Variants in SLC8A3 observed in about 807,000 individuals in gnomAD.
The protein encoded by SLC8A3 is sodium/calcium exchanger 3.
In SLC8A3, 37 loss-of-function variants were observed where a neutral mutation model predicts 65.4. The ratio of observed to expected loss-of-function variants is 0.57; its 90% CI spans 0.44 to 0.74. SLC8A3 has a LOEUF of 0.74. SLC8A3 is among the 30% of genes least tolerant of loss of function. The probability of loss-of-function intolerance (pLI) is 0.00; values close to 1 mark genes in which losing one functional copy is unlikely to be tolerated. For synonymous variants in SLC8A3, 461 were observed against 444.5 expected (o/e 1.04, Z -0.47); for missense variants, 1,112 against 1,172.1 (o/e 0.95, Z 0.75).
chr14:70,129,673 A>C (rs539903836), intron 2 of SLC8A3, among the ~76,000 whole-genome samples: 1 of 152,322 alleles, frequency 6.6e-6, no homozygotes, highest in East Asian at 1.9e-4. Context: ...AGATAGTTGT[A>C]TATTCAAGTA....
chr14:70,083,267 T>A (rs1376876480), intron 2 of SLC8A3, among the ~76,000 whole-genome samples: 1 of 152,160 alleles, frequency 6.6e-6, no homozygotes, highest in African/African-American at 2.4e-5. Flanking sequence ...CTCTTTACAG[T>A]GGACAAAATG....
chr14:70,133,391 C>A (rs1422759265), intron 2 of SLC8A3, among the ~76,000 whole-genome samples: 1 of 152,200 alleles, frequency 6.6e-6, no homozygotes, highest in Non-Finnish European at 1.5e-5. Context: ...GCCACCTCCT[C>A]CTTCACTGTC....
chr14:70,062,676 T>C (rs368457553), intron 2 of SLC8A3, among the ~76,000 whole-genome samples: 2 of 152,346 alleles, frequency 1.3e-5, no homozygotes, highest in Middle Eastern at 6.8e-3. Context: ...ACTGTACATT[T>C]TTATTACCTT....
intron 2 of SLC8A3, among the ~76,000 whole-genome samples, chr14:70,151,253 CA>C (rs1566813917): frequency 1.1e-5 from 1 of 94,644 alleles, no homozygotes; most frequent in Non-Finnish European, 2.0e-5. Flanking sequence ...GACTCCGCCT[CA>C]AAAAAAGAAA....
chr14:70,105,197 C>T (rs1454128238), intron 2 of SLC8A3, among the ~76,000 whole-genome samples: 1 of 152,074 alleles, frequency 6.6e-6, no homozygotes, highest in East Asian at 1.9e-4. Flanking sequence ...GGCATGGTGG[C>T]TGGTGCCTGT....
chr14:70,161,528 C>G (rs1399069458), intron 2 of SLC8A3, among the ~76,000 whole-genome samples: 2 of 151,926 alleles, frequency 1.3e-5, no homozygotes, highest in East Asian at 3.9e-4. Flanking sequence ...TGACTGTCTA[C>G]CTAAAGAGAA....
intron 2 of SLC8A3, among the ~76,000 whole-genome samples, chr14:70,120,878 G>A (rs982752068): frequency 6.6e-6 from 1 of 152,168 alleles, no homozygotes; most frequent in African/African-American, 2.4e-5. Context: ...CCCCACGATG[G>A]TCATAGTCTA....
At position 70,168,265 on chromosome 14, in the gene SLC8A3, T is replaced by A; in HGVS notation, c.158A>T (p.Asp53Val). 2 of 1,614,088 alleles carry A rather than the reference T, an allele frequency of 1.2e-6. No individual in the cohort carries two copies. The highest frequency in any genetic ancestry group is 1.7e-6 in the Non-Finnish European group (2 of 1,180,002). The change falls in exon 2 of 7, where the codon GAC becomes GTC. Residue 53 changes from aspartate (D) to valine (V), a missense_variant. Asp to Val is a radical substitution (Grantham distance 152). Coordinates refer to ENST00000356921, the MANE Select transcript of SLC8A3 (RefSeq NM_182932.3). ...TGGCAGGATGACACCCTCCTTGCAGTCCGATGACCCTGAACAGGACTCATT... is the reference window on the plus strand; with the variant it reads ...TGGCAGGATGACACCCTCCTTGCAGACCGATGACCCTGAACAGGACTCATT... ...QNNESCSGSS[D>V]CKEGVILPIW...
At chr14:70,135,013 G>A (rs1895091962) in intron 2 of SLC8A3, among the ~76,000 whole-genome samples, 1 of 152,082 alleles carries the variant, frequency 6.6e-6, no homozygotes, top group African/African-American at 2.4e-5. Flanking sequence ...CTGTGTATCA[G>A]AATATATAAG....
intron 2 of SLC8A3, among the ~76,000 whole-genome samples, chr14:70,120,559 C>T (rs1893986671): frequency 6.6e-6 from 1 of 152,180 alleles, no homozygotes; most frequent in Admixed American, 6.5e-5. Flanking sequence ...TCTAGCAGTA[C>T]ATGCCTGTAA....
chr14:70,062,485 T>C (rs1019714993), intron 2 of SLC8A3, among the ~76,000 whole-genome samples: 19 of 152,308 alleles, frequency 1.2e-4, no homozygotes, highest in African/African-American at 4.3e-4. Flanking sequence ...GCCTGCAATA[T>C]TCAGTACAAG....
intron 2 of SLC8A3, among the ~76,000 whole-genome samples, chr14:70,132,201 C>T (rs1894883080): frequency 2.0e-5 from 3 of 152,158 alleles, no homozygotes; most frequent in Non-Finnish European, 4.4e-5. Context: ...TCACTTCTTG[C>T]TTGATTAGAA....
intron 2 of SLC8A3, among the ~76,000 whole-genome samples, chr14:70,081,531 T>G (rs927601890): frequency 2.6e-5 from 4 of 152,228 alleles, no homozygotes; most frequent in African/African-American, 9.6e-5. Flanking sequence ...CCAACTGCCC[T>G]CTGGGCCTCC....
chr14:70,059,522 G>A (rs1888532220), intron 3 of SLC8A3: 1 of 152,060 alleles, frequency 6.6e-6, no homozygotes. Flanking sequence ...CCAAATGATT[G>A]GAAGCCATTC....
rs368366516 is a variant in SLC8A3, at chr14:70,107,200, A to G, written c.1785-46261T>C. 1.2e-4 allele frequency among the ~76,000 whole-genome samples: 19 copies of G among 152,218 alleles called. No individual in the cohort carries two copies. The East Asian group carries it at 3.5e-3, about 28-fold the overall frequency. On this transcript the variant is annotated intron_variant, in intron 2 of 6. Transcript: ENST00000356921. ...AAAACCAAATAACCACACCCTGGTGACTGAGAAAGGACATCATTTGGGGAG... is the reference window on the plus strand; with the variant it reads ...AAAACCAAATAACCACACCCTGGTGGCTGAGAAAGGACATCATTTGGGGAG...
At chr14:70,176,887 C>A (rs1195492018) in intron 1 of SLC8A3, among the ~76,000 whole-genome samples, 1 of 152,210 alleles carries the variant, frequency 6.6e-6, no homozygotes, top group African/African-American at 2.4e-5. Context: ...AATTATTTTT[C>A]CTTTCACTGA....
At chr14:70,087,638 C>G (rs948335364) in intron 2 of SLC8A3, among the ~76,000 whole-genome samples, 2 of 152,158 alleles carry the variant, frequency 1.3e-5, no homozygotes, top group Non-Finnish European at 2.9e-5. Flanking sequence ...TTTGAGCTGC[C>G]ATTTACAATT....
At chr14:70,087,421 T>C (rs1030957565) in intron 2 of SLC8A3, among the ~76,000 whole-genome samples, 4 of 152,218 alleles carry the variant, frequency 2.6e-5, no homozygotes, top group African/African-American at 9.6e-5. Flanking sequence ...CCAGAAGTCA[T>C]ATAAACACTG....
intron 2 of SLC8A3, among the ~76,000 whole-genome samples, chr14:70,126,912 A>T (rs937576178): frequency 3.3e-5 from 5 of 151,122 alleles, no homozygotes; most frequent in African/African-American, 1.2e-4. Context: ...CAAAAAAAAA[A>T]TCCAAAATCC....
Sources: allele counts gnomAD v4.1 joint callset (sites outside exome capture counted in the v4.1 genomes callset), GRCh38; gene constraint gnomAD v4.1.1; transcripts MANE v1.5; gene names NCBI Gene and HGNC (gene_info 2026-07-23, HGNC 2026-07-21).